The following PTPRG variants were observed in gnomAD, a reference collection of about 807,000 sequenced individuals.
PTPRG encodes the protein protein tyrosine phosphatase receptor type G.
PTPRG carries 102 observed loss-of-function variants against 165.3 expected under a neutral mutation model. That is an observed-to-expected ratio of 0.62 (90% CI 0.53 to 0.73). The LOEUF (loss-of-function observed/expected upper bound fraction) is 0.73. PTPRG is among the 30% of genes least tolerant of loss of function. The pLI is 0.00. For synonymous variants in PTPRG, 675 were observed against 669.5 expected, an observed-to-expected ratio of 1.01 and a Z score of -0.13; for missense variants, 1,866 against 1,861.4, an observed-to-expected ratio of 1.00 and a Z score of -0.05.
chr3:61,766,049 C>A (rs2034004864), intron 2 of PTPRG, among the ~76,000 whole-genome samples: 1 of 152,120 alleles, frequency 6.6e-6, no homozygotes, highest in Admixed American at 6.5e-5. Flanking sequence ...AACATAAAAA[C>A]GTCTAATATA....
At chr3:62,289,588 G>A (rs535392633) in intron 28 of PTPRG, among the ~76,000 whole-genome samples, 1 of 151,494 alleles carries the variant, frequency 6.6e-6, no homozygotes, top group Non-Finnish European at 1.5e-5. Flanking sequence ...CTGGTGTTAA[G>A]CTTTTGATAT....
At chr3:62,052,562 G>A (rs1296280908) in intron 4 of PTPRG, among the ~76,000 whole-genome samples, 2 of 152,182 alleles carry the variant, frequency 1.3e-5, no homozygotes, top group East Asian at 1.9e-4. Flanking sequence ...AGGCATGGTG[G>A]CATACACCTG....
intron 28 of PTPRG, among the ~76,000 whole-genome samples, chr3:62,284,782 C>G (rs1390251458): frequency 6.6e-6 from 1 of 152,086 alleles, no homozygotes. Context: ...CCCTCACCTC[C>G]AAGTCTGATT....
intron 1 of PTPRG, among the ~76,000 whole-genome samples, chr3:61,698,140 C>T (rs114344202): frequency 6.6e-6 from 1 of 152,072 alleles, no homozygotes. Context: ...AAATAAATAT[C>T]TATGCTTTTC....
chr3:61,831,172 A>G (rs1026187824), intron 2 of PTPRG, among the ~76,000 whole-genome samples: 6 of 152,048 alleles, frequency 3.9e-5, no homozygotes, highest in South Asian at 2.1e-4. Context: ...TATCTTTCCT[A>G]TTTTCATGGA....
intron 2 of PTPRG, among the ~76,000 whole-genome samples, chr3:61,831,167 T>C (rs2036281475): frequency 6.6e-6 from 1 of 152,250 alleles, no homozygotes; most frequent in South Asian, 2.1e-4. Flanking sequence ...ATGAGTATCT[T>C]TCCTATTTTC....
intron 16 of PTPRG, among the ~76,000 whole-genome samples, chr3:62,259,408 A>AG (rs1438886488): frequency 4.6e-5 from 7 of 151,988 alleles, no homozygotes; most frequent in African/African-American, 1.7e-4. Context: ...AAAAAATTGC[A>AG]GGGAAAAAAA....
chr3:62,077,576 C>T (rs1360006288), intron 4 of PTPRG, among the ~76,000 whole-genome samples: 1 of 152,110 alleles, frequency 6.6e-6, no homozygotes, highest in Non-Finnish European at 1.5e-5. Context: ...CATGACCTGG[C>T]TATTAGAGGA....
chr3:61,882,381 C>G (rs1297143684), intron 2 of PTPRG, among the ~76,000 whole-genome samples: 1 of 152,158 alleles, frequency 6.6e-6, no homozygotes, highest in Non-Finnish European at 1.5e-5. Flanking sequence ...TGAAACTATA[C>G]TGTTCTGAGA....
intron 1 of PTPRG, among the ~76,000 whole-genome samples, chr3:61,693,122 C>T (rs892286166): frequency 6.6e-6 from 1 of 152,016 alleles, no homozygotes; most frequent in Non-Finnish European, 1.5e-5. Flanking sequence ...ACAATTTGCC[C>T]ATTCATTATA....
intron 2 of PTPRG, among the ~76,000 whole-genome samples, chr3:61,948,327 CA>C (rs372025391): frequency 1.5e-3 from 211 of 144,808 alleles, no homozygotes; most frequent in African/African-American, 5.0e-3. Flanking sequence ...CTCCGTTTTA[CA>C]AAAAAAAAAG....
chr3:61,698,839 A>G (rs1402808877), intron 1 of PTPRG, among the ~76,000 whole-genome samples: 1 of 152,224 alleles, frequency 6.6e-6, no homozygotes, highest in Non-Finnish European at 1.5e-5. Context: ...CTATGCAGCC[A>G]TAAAAAATGA....
chr3:61,838,542 C>G (rs1250166665), intron 2 of PTPRG, among the ~76,000 whole-genome samples: 1 of 152,164 alleles, frequency 6.6e-6, no homozygotes, highest in Non-Finnish European at 1.5e-5. Flanking sequence ...TCCTTTAAAA[C>G]TCTTCAACAG....
intron 4 of PTPRG, among the ~76,000 whole-genome samples, chr3:62,033,090 G>A (rs187445578): frequency 2.8e-4 from 42 of 152,154 alleles, no homozygotes; most frequent in Admixed American, 1.0e-3. Flanking sequence ...TGTGTGACCC[G>A]GCTCCTGCCT....
chr3:61,956,643 A>G (rs2040038409), intron 2 of PTPRG, among the ~76,000 whole-genome samples: 1 of 152,330 alleles, frequency 6.6e-6, no homozygotes, highest in South Asian at 2.1e-4. Context: ...AAATAAGGAA[A>G]ATGAAGCAGG....
rs533327494 is a variant in PTPRG at position 61,745,553 on chromosome 3, T to C, written c.86-3325T>C. Among the ~76,000 whole-genome samples the C allele has an allele frequency of 3.3e-5, 5 of 152,350 alleles. No individual in the cohort carries two copies. In the East Asian group the frequency reaches 7.7e-4, roughly 23 times the overall value. On this transcript the variant is annotated intron_variant, in intron 1 of 29. Transcript: ENST00000474889. ...AAACCCACTTTGTACCTCAATACTT[T>C]GCGTAGTGTGAGGAAGATAAGATTA...
chr3:62,226,920 A>C (rs1700776729), intron 13 of PTPRG, among the ~76,000 whole-genome samples: 1 of 152,226 alleles, frequency 6.6e-6, no homozygotes, highest in Non-Finnish European at 1.5e-5. Context: ...CTCCTCATTA[A>C]GAATGCTGTT....
At chr3:61,815,508 A>G (rs1472686563) in intron 2 of PTPRG, among the ~76,000 whole-genome samples, 1 of 152,220 alleles carries the variant, frequency 6.6e-6, no homozygotes, top group East Asian at 1.9e-4. Flanking sequence ...GGAATACATT[A>G]TAATGGGGAT....
intron 1 of PTPRG, among the ~76,000 whole-genome samples, chr3:61,733,707 A>G (rs922972175): frequency 2.0e-5 from 3 of 152,250 alleles, no homozygotes; most frequent in African/African-American, 7.2e-5. Context: ...AACATAAATT[A>G]AAAATCTTTG....
Sources: allele counts gnomAD v4.1 joint callset (sites outside exome capture counted in the v4.1 genomes callset), GRCh38; gene constraint gnomAD v4.1.1; transcripts MANE v1.5; gene names NCBI Gene and HGNC (gene_info 2026-07-23, HGNC 2026-07-21).